Variants in ELAVL2 observed in about 807,000 individuals in gnomAD.
ELAVL2 encodes the protein ELAV-like protein 2.
Under a neutral mutation model 34.6 loss-of-function variants are expected in ELAVL2, and 4 were observed. That is an observed-to-expected ratio of 0.12 (90% CI 0.06 to 0.26). ELAVL2 has a LOEUF of 0.26. ELAVL2 is among the 10% of genes least tolerant of loss of function. ELAVL2 has a pLI of 1.00. For missense variants in ELAVL2, 432 were observed against 442.8 expected (o/e 0.98, Z 0.22); for synonymous variants, 193 against 154.8 (o/e 1.25, Z -1.83).
chr9:23,820,363 G>A (rs1245009676), intron 1 of ELAVL2, among the ~76,000 whole-genome samples: 1 of 152,124 alleles, frequency 6.6e-6, no homozygotes, highest in Non-Finnish European at 1.5e-5. Context: ...CCTTGCCGAA[G>A]GTATTACATT....
chr9:23,759,213 T>C (rs1048148809), intron 2 of ELAVL2, among the ~76,000 whole-genome samples: 9 of 152,110 alleles, frequency 5.9e-5, no homozygotes, highest in Admixed American at 2.0e-4. Context: ...ATGCTATATA[T>C]ACAAAATGAA....
chr9:23,752,470 T>G (rs1476576989), intron 2 of ELAVL2, among the ~76,000 whole-genome samples: 3 of 150,318 alleles, frequency 2.0e-5, no homozygotes, highest in Non-Finnish European at 4.4e-5. Flanking sequence ...AACTTTTTTT[T>G]GTTTTTTTTT....
chr9:23,767,155 T>C (rs564553609), intron 1 of ELAVL2, among the ~76,000 whole-genome samples: 2 of 152,156 alleles, frequency 1.3e-5, no homozygotes, highest in African/African-American at 4.8e-5. Context: ...TATTGGGAAA[T>C]AGAAGATTGT....
chr9:23,775,276 G>T (rs754754474), intron 1 of ELAVL2, among the ~76,000 whole-genome samples: 1 of 152,228 alleles, frequency 6.6e-6, no homozygotes, highest in African/African-American at 2.4e-5. Context: ...CTTGTGGAGC[G>T]GGCAAGGTGA....
intron 3 of ELAVL2, among the ~76,000 whole-genome samples, chr9:23,722,141 C>A (rs779252309): frequency 1.6e-4 from 25 of 152,154 alleles, no homozygotes; most frequent in Non-Finnish European, 5.9e-5. Context: ...ATAGGAATGG[C>A]TGGCAGAAGT....
chr9:23,713,728 G>A (rs930973203), intron 3 of ELAVL2, among the ~76,000 whole-genome samples: 2 of 152,092 alleles, frequency 1.3e-5, no homozygotes, highest in African/African-American at 4.8e-5. Flanking sequence ...CTTAGCACCA[G>A]GTTCAAAAAT....
intron 2 of ELAVL2, among the ~76,000 whole-genome samples, chr9:23,744,019 A>T (rs1470757656): frequency 1.3e-5 from 2 of 152,202 alleles, no homozygotes; most frequent in Non-Finnish European, 2.9e-5. Context: ...ATTAAGGCTA[A>T]GACAAGTGGA....
At position 23,690,564 on chromosome 9, in the gene ELAVL2, C is replaced by T. The variant is rs888881884; in HGVS notation, c.*1993G>A. The T allele has an allele frequency of 3.3e-5, 5 of 152,572 alleles. No homozygotes were observed. Among genetic ancestry groups the T allele is most frequent in the South Asian group, 2.1e-4 (1 of 4,818 alleles). 9.5% of individuals were successfully genotyped at this position (152,572 alleles called of 1,614,324 possible). ...CATTGAGTGGGTCAGCATGAAAACT[C>T]GCTTATTCACTTTAGCACGCGCCTC... On this transcript the variant is annotated 3_prime_UTR_variant, in exon 7 of 7. Transcript: ENST00000397312.
chr9:23,717,675 G>C (rs534197944), intron 3 of ELAVL2, among the ~76,000 whole-genome samples: 56 of 152,226 alleles, frequency 3.7e-4, no homozygotes, highest in African/African-American at 1.2e-3. Context: ...TAGACAGCAA[G>C]TGGCATATCC....
chr9:23,771,402 T>G (rs1474753582), intron 1 of ELAVL2, among the ~76,000 whole-genome samples: 2 of 151,952 alleles, frequency 1.3e-5, no homozygotes, highest in Non-Finnish European at 2.9e-5. Flanking sequence ...AGTTGTGCCT[T>G]AAAAGAAAAT....
At position 23,701,418 on chromosome 9, in the gene ELAVL2, C is replaced by T. The variant is rs200231541; in HGVS notation, c.674G>A (p.Arg225Lys). 1.2e-6 allele frequency: 2 copies of T among 1,614,082 alleles called. No individual in the cohort carries two copies. The highest frequency in any genetic ancestry group is 2.2e-5 in the East Asian group (1 of 44,862). The change falls in exon 5 of 7, where the codon AGG becomes AAG. Residue 225 changes from arginine (R) to lysine (K), a missense_variant. Coordinates refer to ENST00000397312, the MANE Select transcript of ELAVL2 (RefSeq NM_004432.5). ...CTGCTGAGCTAGCGGTCCTGGATACCTTCTGTTTGGAGACTGGTACAGCTG... is the reference window on the plus strand; with the variant it reads ...CTGCTGAGCTAGCGGTCCTGGATACTTTCTGTTTGGAGACTGGTACAGCTG... ...LSQLYQSPNRRYPGPLAQQAQ... is the reference protein window; with the variant it reads ...LSQLYQSPNRKYPGPLAQQAQ...
chr9:23,694,469 T>C (rs532692523), intron 5 of ELAVL2, among the ~76,000 whole-genome samples: 59 of 152,308 alleles, frequency 3.9e-4, no homozygotes, highest in East Asian at 9.7e-4. Flanking sequence ...ACTTAATACA[T>C]AGTCCACAAC....
Position 23,752,508 on chromosome 9 carries a change from C to T in ELAVL2, c.229+9498G>A, listed in dbSNP as rs375612881. Among the ~76,000 whole-genome samples the T allele has an allele frequency of 5.8e-4, 88 of 151,878 alleles. 2 individuals are homozygous for T. The South Asian group carries it at 0.017, about 29-fold the overall frequency. ...TGAGATAGAGTCTCCCTCTGTCATC[C>T]AGGCTGGAGTGCAGTGGCTCACTGC... On this transcript the variant is annotated intron_variant, in intron 2 of 6. Transcript: ENST00000397312.
At chr9:23,692,997 C>T (rs2033718244) in intron 6 of ELAVL2, 113 bp from the exon 7 acceptor site, 3 of 946,128 alleles carry the variant, frequency 3.2e-6, no homozygotes, top group African/African-American at 3.3e-5. Flanking sequence ...AACTCTCCTC[C>T]CCCAACAAAT....
chr9:23,838,416 G>C, the ELAVL2 span, among the ~76,000 whole-genome samples: 1 of 152,054 alleles, frequency 6.6e-6, no homozygotes, highest in Non-Finnish European at 1.5e-5. Flanking sequence ...TAGATAAAGA[G>C]AGAGGTCAGA....
At chr9:23,847,262 CTT>C in the ELAVL2 span, 1 of 151,862 alleles carries the variant, frequency 6.6e-6, no homozygotes, top group Non-Finnish European at 1.5e-5. Context: ...TCTTTTTTGC[CTT>C]TATGCTTGCA....
chr9:23,707,402 G>A (rs2039671570), intron 3 of ELAVL2, among the ~76,000 whole-genome samples: 1 of 152,130 alleles, frequency 6.6e-6, no homozygotes, highest in African/African-American at 2.4e-5. Context: ...TCCACAGGAG[G>A]GAGCACCCAA....
At chr9:23,791,833 C>A (rs191765897) in intron 1 of ELAVL2, among the ~76,000 whole-genome samples, 3 of 152,138 alleles carry the variant, frequency 2.0e-5, no homozygotes, top group Admixed American at 6.5e-5. Flanking sequence ...AAATAAATTT[C>A]TATTGTTTTT....
intron 3 of ELAVL2, among the ~76,000 whole-genome samples, chr9:23,719,181 G>A (rs536687978): frequency 6.6e-6 from 1 of 152,160 alleles, no homozygotes; most frequent in East Asian, 1.9e-4. Context: ...TGAGAATCCC[G>A]TCCTGAGATA....
Sources: gnomAD v4.1 joint callset for allele counts (sites outside exome capture counted in the v4.1 genomes callset) on GRCh38, gnomAD v4.1.1 for gene constraint, MANE v1.5 for transcripts, NCBI Gene and HGNC (gene_info 2026-07-23, HGNC 2026-07-21) for gene names.